PLEKHM3: variants seen among roughly 807,000 people sequenced by gnomAD.
PLEKHM3 encodes pleckstrin homology domain-containing family M member 3.
PLEKHM3 carries 45 observed loss-of-function variants against 81.8 expected under a neutral mutation model. That is an observed-to-expected ratio of 0.55 (90% CI 0.43 to 0.71). PLEKHM3 has a LOEUF of 0.71. Ranked by LOEUF, PLEKHM3 falls within the 30% of genes least tolerant of loss-of-function variation. The pLI, the probability that PLEKHM3 is intolerant of heterozygous loss-of-function variation, is 0.00. For missense variants in PLEKHM3, 788 were observed against 924.3 expected, an observed-to-expected ratio of 0.85 and a Z score of 1.91; for synonymous variants, 352 against 356.4, an observed-to-expected ratio of 0.99 and a Z score of 0.14.
At position 208,001,017 on chromosome 2, in the gene PLEKHM3, T is replaced by C; in HGVS notation, c.610+13A>G. 4.7e-6 allele frequency: 7 copies of C among 1,474,318 alleles called. No individual in the cohort carries two copies. The highest frequency in any genetic ancestry group is 5.4e-6 in the Non-Finnish European group (6 of 1,112,726). 91.3% of individuals were successfully genotyped at this position (1,474,318 alleles called of 1,614,324 possible). A position where few individuals can be genotyped will look rare whatever the true frequency, so the allele number is the denominator to read the frequency against. ...AAAAAAAAAAAGGAAATAAATAAAA[T>C]TTAAAAACATACCAGTATTTCCTTG... On this transcript the variant is annotated intron_variant, in intron 2 of 7. Coordinates refer to ENST00000427836, the MANE Select transcript of PLEKHM3 (RefSeq NM_001080475.3).
At chr2:207,986,870 G>C (rs909285281) in intron 2 of PLEKHM3, among the ~76,000 whole-genome samples, 4 of 138,246 alleles carry the variant, frequency 2.9e-5, no homozygotes, top group Non-Finnish European at 6.1e-5. Flanking sequence ...TGTAGAGACA[G>C]GGCCTCGCTA....
intron 3 of PLEKHM3, among the ~76,000 whole-genome samples, chr2:207,958,405 T>C (rs1432645895): frequency 1.3e-5 from 2 of 152,158 alleles, no homozygotes; most frequent in Non-Finnish European, 2.9e-5. Flanking sequence ...TGAAAGCTGG[T>C]AGTGGTGGAT....
Position 208,009,496 on chromosome 2 carries a change from C to A in PLEKHM3, c.-318-7539G>T, listed in dbSNP as rs72969857. On this transcript the variant is annotated intron_variant, in intron 1 of 7. Transcript: ENST00000427836. Reference sequence around the variant, plus strand: ...GACAATAATTACAGGTTATCAAAAGCCTATTTTGTGCCAGGTATGTCGCTT... The same window carrying A: ...GACAATAATTACAGGTTATCAAAAGACTATTTTGTGCCAGGTATGTCGCTT... Among the ~76,000 whole-genome samples, 818 of 152,312 alleles carry A rather than the reference C, an allele frequency of 5.4e-3. 3 individuals are homozygous for A. Among genetic ancestry groups the A allele is most frequent in the Non-Finnish European group, 8.4e-3 (570 of 68,028 alleles).
At chr2:207,948,537 AT>A (rs1459443461) in intron 3 of PLEKHM3, among the ~76,000 whole-genome samples, 1 of 91,820 alleles carries the variant, frequency 1.1e-5, no homozygotes. Context: ...TGTATTTTCT[AT>A]TTTTTTTGTT....
rs144930128 is a variant in PLEKHM3 at position 207,913,723 on chromosome 2, A to AT, written c.1887-5147dup. On this transcript the variant is annotated intron_variant, in intron 5 of 7. Coordinates refer to ENST00000427836, the MANE Select transcript of PLEKHM3 (RefSeq NM_001080475.3). ...AAGAAGGATGTAGGACTAAGAAAGGATTTTTTTTTTTCTAAAAACATAAGA... is the reference window on the plus strand; with the variant it reads ...AAGAAGGATGTAGGACTAAGAAAGGATTTTTTTTTTTTCTAAAAACATAAGA... Among the ~76,000 whole-genome samples the AT allele has an allele frequency of 2.4e-3, 365 of 149,874 alleles. 1 individual carries two copies. The highest frequency in any genetic ancestry group is 0.017 in the Middle Eastern group (5 of 290).
intron 6 of PLEKHM3, among the ~76,000 whole-genome samples, chr2:207,896,525 C>T (rs183757626): frequency 1.3e-5 from 2 of 152,306 alleles, no homozygotes; most frequent in Non-Finnish European, 2.9e-5. Context: ...AGCTGTGCCT[C>T]CACTTCTGAC....
rs1188242159 is a variant in PLEKHM3, at chr2:207,861,169, A to G, written c.2044T>C (p.Phe682Leu). Reference sequence around the variant, plus strand: ...CCATTGTTACAGATTTCACAGATGAACCCCTTCTGGCTACAAAGACTGCAG... The same window carrying G: ...CCATTGTTACAGATTTCACAGATGAGCCCCTTCTGGCTACAAAGACTGCAG... ...YSCSLCSQKG[F>L]ICEICNNGEI... Residue 682 changes from phenylalanine (F) to leucine (L), a missense_variant, in exon 7 of 8, where the codon TTC (phenylalanine) becomes CTC (leucine). Transcript: ENST00000427836. 19 of 1,614,108 alleles carry G rather than the reference A, an allele frequency of 1.2e-5. No individual in the cohort carries two copies. The highest frequency in any genetic ancestry group is 1.5e-5 in the Non-Finnish European group (18 of 1,180,006).
rs147022479 is a variant in PLEKHM3, at chr2:207,863,011, C to T, written c.1951-1749G>A. On this transcript the variant is annotated intron_variant, in intron 6 of 7. Transcript: ENST00000427836. ...TGTGGTGAGGTTGCACCAGGAGGTA[C>T]CTTTGCCTCTTGCCTCCCACCCCGG... 3.3e-3 allele frequency among the ~76,000 whole-genome samples: 503 copies of T among 152,256 alleles called. 4 individuals carry two copies. Among genetic ancestry groups the T allele is most frequent in the African/African-American group, 0.012 (479 of 41,552 alleles).
intron 7 of PLEKHM3, among the ~76,000 whole-genome samples, chr2:207,849,195 A>G (rs1437914885): frequency 6.6e-6 from 1 of 152,110 alleles, no homozygotes; most frequent in Non-Finnish European, 1.5e-5. Flanking sequence ...CTAGCCGGGC[A>G]TGGTGGTGCA....
chr2:207,919,510 C>T (rs1269351800), intron 5 of PLEKHM3, among the ~76,000 whole-genome samples: 4 of 152,128 alleles, frequency 2.6e-5, no homozygotes, highest in Non-Finnish European at 5.9e-5. Flanking sequence ...ATGGTGGACC[C>T]AACCTCCAGC....
chr2:207,863,735 C>A (rs1451905585), intron 6 of PLEKHM3, among the ~76,000 whole-genome samples: 1 of 152,136 alleles, frequency 6.6e-6, no homozygotes, highest in Non-Finnish European at 1.5e-5. Flanking sequence ...AGAGATGCAG[C>A]ATGAGGCTCT....
chr2:207,925,817 C>G (rs1689375102), intron 5 of PLEKHM3, among the ~76,000 whole-genome samples: 1 of 152,076 alleles, frequency 6.6e-6, no homozygotes, highest in South Asian at 2.1e-4. Flanking sequence ...TTAGGACACC[C>G]CAACACATCT....
At chr2:208,009,041 A>G (rs1196948819) in intron 1 of PLEKHM3, among the ~76,000 whole-genome samples, 1 of 152,158 alleles carries the variant, frequency 6.6e-6, no homozygotes, top group Non-Finnish European at 1.5e-5. Context: ...TTTATTCAGT[A>G]AGTATTTGCT....
chr2:207,841,576 T>C (rs968953848), intron 7 of PLEKHM3, among the ~76,000 whole-genome samples: 4 of 149,016 alleles, frequency 2.7e-5, no homozygotes, highest in South Asian at 2.1e-4. Flanking sequence ...ATTAAAATAT[T>C]TGATCCACTT....
At chr2:207,993,023 T>C (rs1370515162) in intron 2 of PLEKHM3, among the ~76,000 whole-genome samples, 1 of 152,182 alleles carries the variant, frequency 6.6e-6, no homozygotes, top group Non-Finnish European at 1.5e-5. Context: ...TGGTTCACTT[T>C]TGAGAACAAA....
intron 5 of PLEKHM3, among the ~76,000 whole-genome samples, chr2:207,924,641 C>T (rs765897102): frequency 7.9e-5 from 12 of 152,126 alleles, no homozygotes; most frequent in East Asian, 1.9e-4. Context: ...GCTGAGATCG[C>T]GCCACTGCAC....
chr2:207,838,098 A>G (rs1000254137), intron 7 of PLEKHM3, among the ~76,000 whole-genome samples: 4 of 152,046 alleles, frequency 2.6e-5, no homozygotes, highest in Non-Finnish European at 5.9e-5. Context: ...TTATTAAGTC[A>G]GTCAGTAAGA....
chr2:207,907,320 G>A (rs1688642856), intron 6 of PLEKHM3, among the ~76,000 whole-genome samples: 1 of 152,112 alleles, frequency 6.6e-6, no homozygotes, highest in African/African-American at 2.4e-5. Flanking sequence ...TGGCCAACAT[G>A]GTGAAACCCC....
intron 3 of PLEKHM3, among the ~76,000 whole-genome samples, chr2:207,950,394 C>T (rs958471594): frequency 6.6e-6 from 1 of 152,202 alleles, no homozygotes; most frequent in Non-Finnish European, 1.5e-5. Context: ...CTTGCTTCCT[C>T]ACCACAAAAT....
Sources: allele counts gnomAD v4.1 joint callset (sites outside exome capture counted in the v4.1 genomes callset), GRCh38; gene constraint gnomAD v4.1.1; transcripts MANE v1.5; gene names NCBI Gene and HGNC (gene_info 2026-07-23, HGNC 2026-07-21).